ELK3: variants seen among roughly 807,000 people sequenced by gnomAD.
The protein encoded by ELK3 is ETS domain-containing protein Elk-3.
Under a neutral mutation model 28.9 loss-of-function variants are expected in ELK3, and 10 were observed. The ratio of observed to expected loss-of-function variants is 0.35; its 90% CI spans 0.21 to 0.59. The LOEUF (loss-of-function observed/expected upper bound fraction) is 0.59. Ranked by LOEUF, ELK3 falls within the 20% of genes least tolerant of loss-of-function variation. The pLI is 0.82. For missense variants in ELK3, 463 were observed against 517.3 expected (o/e 0.90, Z 1.02); for synonymous variants, 272 against 243.5 (o/e 1.12, Z -1.09).
In ELK3 at chr12:96,216,118, G is replaced by C. The variant is rs185536882; in HGVS notation, c.-2-7447G>C. 1.8e-3 allele frequency among the ~76,000 whole-genome samples: 273 copies of C among 152,246 alleles called. 1 individual carries two copies. Among genetic ancestry groups the C allele is most frequent in the Non-Finnish European group, 2.5e-3 (171 of 68,014 alleles). On this transcript the variant is annotated intron_variant, in intron 1 of 4. Transcript: ENST00000228741. Reference sequence around the variant, plus strand: ...ACCAGCCCGTGAATGCCCTCCTGTAGGGCCCCATCTGCAGCGGCTATGAGC... The same window carrying C: ...ACCAGCCCGTGAATGCCCTCCTGTACGGCCCCATCTGCAGCGGCTATGAGC...
chr12:96,217,211 A>G (rs1317298748), intron 1 of ELK3, among the ~76,000 whole-genome samples: 1 of 152,264 alleles, frequency 6.6e-6, no homozygotes, highest in Non-Finnish European at 1.5e-5. Flanking sequence ...AGATCGTGCC[A>G]CTGCACTCCA....
chr12:96,230,143 A>G (rs1320033423), intron 2 of ELK3, among the ~76,000 whole-genome samples: 1 of 152,224 alleles, frequency 6.6e-6, no homozygotes, highest in Admixed American at 6.5e-5. Context: ...AGATACATAC[A>G]TACTTACTAT....
intron 2 of ELK3, among the ~76,000 whole-genome samples, chr12:96,225,103 G>C (rs1356881626): frequency 6.6e-6 from 1 of 152,232 alleles, no homozygotes; most frequent in Non-Finnish European, 1.5e-5. Context: ...CTGTCTGAAA[G>C]CCTCGCAGAT....
rs1461779315 is a variant in ELK3 at position 96,269,030 on chromosome 12, G to C, written c.*1850G>C. On this transcript the variant is annotated 3_prime_UTR_variant, in exon 5 of 5. Transcript: ENST00000228741. Reference sequence around the variant, plus strand: ...TACTGAACATACAAAGTTAGTGCTAGAAGGGGCCTTTGAGAATGCTTCCCG... The same window carrying C: ...TACTGAACATACAAAGTTAGTGCTACAAGGGGCCTTTGAGAATGCTTCCCG... The C allele has an allele frequency of 6.7e-6, 1 of 148,174 alleles. No individual in the cohort carries two copies. The highest frequency in any genetic ancestry group is 2.5e-5 in the African/African-American group (1 of 40,084). 9.2% of individuals were successfully genotyped at this position (148,174 alleles called of 1,614,324 possible).
intron 3 of ELK3, among the ~76,000 whole-genome samples, chr12:96,251,137 T>G (rs947662925): frequency 2.6e-5 from 4 of 152,252 alleles, no homozygotes; most frequent in Non-Finnish European, 5.9e-5. Context: ...TGTCACATTT[T>G]GGTAATTCTC....
intron 2 of ELK3, among the ~76,000 whole-genome samples, chr12:96,232,737 C>T (rs1266901259): frequency 1.5e-5 from 2 of 133,296 alleles, no homozygotes; most frequent in Non-Finnish European, 3.2e-5. Context: ...ATAGTGAGGC[C>T]TTGTTTCTAC....
intron 2 of ELK3, 127 bp from the exon 3 acceptor site, chr12:96,246,813 T>C: frequency 1.0e-6 from 1 of 957,596 alleles, no homozygotes; most frequent in Non-Finnish European, 1.5e-6. Context: ...CTTCCACTTT[T>C]CCTTAGCCAA....
At chr12:96,219,169 A>G (rs1373956888) in intron 1 of ELK3, among the ~76,000 whole-genome samples, 2 of 152,222 alleles carry the variant, frequency 1.3e-5, no homozygotes, top group Non-Finnish European at 2.9e-5. Context: ...ATTTAATAAA[A>G]GCCACAGTGT....
rs1339468576 is a variant in ELK3 at position 96,268,572 on chromosome 12, T to G, written c.*1392T>G. 2 of 152,094 alleles carry G rather than the reference T, an allele frequency of 1.3e-5. No homozygotes were observed. Among genetic ancestry groups the G allele is most frequent in the Non-Finnish European group, 2.9e-5 (2 of 67,994 alleles). 9.4% of individuals were successfully genotyped at this position (152,094 alleles called of 1,614,324 possible). A position where few individuals can be genotyped will look rare whatever the true frequency, so the allele number is the denominator to read the frequency against. ...AAGGAAAGTTCTAATACAAGAAAAC[T>G]GAAAAGCACCAAGCTTTAAATTCAA... On this transcript the variant is annotated 3_prime_UTR_variant, in exon 5 of 5. Transcript: ENST00000228741.
chr12:96,199,329 G>A (rs1246206687), intron 1 of ELK3, among the ~76,000 whole-genome samples: 15 of 152,072 alleles, frequency 9.9e-5, no homozygotes. Context: ...CTTTGAAGTT[G>A]GTGTTTTAAA....
At chr12:96,227,180 G>A (rs935446714) in intron 2 of ELK3, among the ~76,000 whole-genome samples, 7 of 152,024 alleles carry the variant, frequency 4.6e-5, no homozygotes, top group Admixed American at 2.6e-4. Flanking sequence ...CCTGAACCGC[G>A]TGCGTTTCTC....
At chr12:96,252,401 G>A (rs1478815379) in intron 3 of ELK3, among the ~76,000 whole-genome samples, 1 of 152,074 alleles carries the variant, frequency 6.6e-6, no homozygotes, top group Non-Finnish European at 1.5e-5. Context: ...ATTTCATAAA[G>A]CTACAGCTGC....
At chr12:96,239,261 T>G (rs1205346956) in intron 2 of ELK3, among the ~76,000 whole-genome samples, 1 of 152,216 alleles carries the variant, frequency 6.6e-6, no homozygotes, top group Non-Finnish European at 1.5e-5. Context: ...GTAGAAAACA[T>G]ATAAATATAT....
intron 2 of ELK3, among the ~76,000 whole-genome samples, chr12:96,246,330 G>GA (rs1193382861): frequency 3.3e-5 from 5 of 152,248 alleles, no homozygotes; most frequent in Non-Finnish European, 7.4e-5. Flanking sequence ...GATTGTATGA[G>GA]ATAAGATATG....
At chr12:96,210,488 C>T (rs538313272) in intron 1 of ELK3, among the ~76,000 whole-genome samples, 4 of 152,036 alleles carry the variant, frequency 2.6e-5, no homozygotes, top group African/African-American at 4.8e-5. Context: ...ATGTTTGGGG[C>T]CCCTCTTGGG....
At chr12:96,228,392 T>TG (rs1951718862) in intron 2 of ELK3, among the ~76,000 whole-genome samples, 1 of 118,832 alleles carries the variant, frequency 8.4e-6, no homozygotes, top group Non-Finnish European at 1.6e-5. Context: ...CACTCCAGCC[T>TG]GGCGACAGAG....
chr12:96,238,963 T>TA (rs1951801649), intron 2 of ELK3, among the ~76,000 whole-genome samples: 2 of 152,166 alleles, frequency 1.3e-5, no homozygotes, highest in Non-Finnish European at 2.9e-5. Context: ...GAGGGTGTGG[T>TA]AGTGGAACAG....
At chr12:96,233,932 C>G (rs925570320) in intron 2 of ELK3, among the ~76,000 whole-genome samples, 4 of 152,192 alleles carry the variant, frequency 2.6e-5, no homozygotes, top group Non-Finnish European at 4.4e-5. Context: ...AGCAGCTATT[C>G]AGATGGTTGG....
intron 2 of ELK3, among the ~76,000 whole-genome samples, chr12:96,229,372 T>C (rs1468905469): frequency 1.3e-5 from 2 of 152,162 alleles, no homozygotes; most frequent in Non-Finnish European, 2.9e-5. Context: ...AGAGCTGTGC[T>C]CCCTCTGACT....
Sources: allele counts gnomAD v4.1 joint callset (sites outside exome capture counted in the v4.1 genomes callset), GRCh38; gene constraint gnomAD v4.1.1; transcripts MANE v1.5; gene names NCBI Gene and HGNC (gene_info 2026-07-23, HGNC 2026-07-21).